The following RAD51B variants were observed in gnomAD, a reference collection of about 807,000 sequenced individuals.
The protein encoded by RAD51B is RAD51 paralog B, also known as DNA repair protein RAD51 homolog 2.
A neutral mutation model predicts 42.2 loss-of-function variants in RAD51B; 38 were observed. The observed-to-expected ratio is 0.90, with a 90% confidence interval of 0.70 to 1.18. RAD51B has a LOEUF of 1.18. Ranked by LOEUF, RAD51B falls within the 50% of genes most tolerant of loss-of-function variation. The pLI, the probability that RAD51B is intolerant of heterozygous loss-of-function variation, is 0.00. For synonymous variants in RAD51B, 154 were observed against 145.2 expected, an observed-to-expected ratio of 1.06 and a Z score of -0.43; for missense variants, 373 against 400.7, an observed-to-expected ratio of 0.93 and a Z score of 0.59.
At chr14:67,858,762 C>T (rs2042075218) in intron 4 of RAD51B, among the ~76,000 whole-genome samples, 1 of 152,166 alleles carries the variant, frequency 6.6e-6, no homozygotes, top group Non-Finnish European at 1.5e-5. Flanking sequence ...TCACCGGATA[C>T]CTGGCCCTAC....
intron 7 of RAD51B, among the ~76,000 whole-genome samples, chr14:68,104,204 G>A (rs544736167): frequency 1.3e-5 from 2 of 152,244 alleles, no homozygotes; most frequent in South Asian, 2.1e-4. Context: ...GGCTTAAGGG[G>A]TAGTTTCTAT....
chr14:68,454,812 C>T (rs186412331), intron 9 of RAD51B, among the ~76,000 whole-genome samples: 32 of 152,248 alleles, frequency 2.1e-4, no homozygotes, highest in Non-Finnish European at 8.8e-5. Flanking sequence ...CCAGGTAGTG[C>T]CAACAAGAGG....
chr14:68,131,512 A>T (rs561595991), intron 7 of RAD51B, among the ~76,000 whole-genome samples: 71 of 152,140 alleles, frequency 4.7e-4, no homozygotes, highest in Non-Finnish European at 9.4e-4. Context: ...CCTGACCAAC[A>T]TGGTGAAACC....
chr14:68,450,678 C>T (rs974566615), intron 9 of RAD51B, among the ~76,000 whole-genome samples: 48 of 151,648 alleles, frequency 3.2e-4, no homozygotes, highest in Admixed American at 1.5e-3. Flanking sequence ...TGCTTTATTC[C>T]TCATGACTCT....
At chr14:68,185,869 G>A (rs142733402) in intron 7 of RAD51B, among the ~76,000 whole-genome samples, 1 of 152,220 alleles carries the variant, frequency 6.6e-6, no homozygotes, top group East Asian at 1.9e-4. Flanking sequence ...TTCCTAACAG[G>A]CCACAGACCA....
intron 9 of RAD51B, among the ~76,000 whole-genome samples, chr14:68,442,906 G>T (rs2085335646): frequency 6.6e-6 from 1 of 152,162 alleles, no homozygotes; most frequent in African/African-American, 2.4e-5. Flanking sequence ...AAAGTGGAAT[G>T]AAACTGGGGC....
At chr14:67,942,460 AC>A (rs2045242258) in intron 7 of RAD51B, among the ~76,000 whole-genome samples, 1 of 152,224 alleles carries the variant, frequency 6.6e-6, no homozygotes, top group South Asian at 2.1e-4. Context: ...AAGGATTGAT[AC>A]CAAGATCATG....
intron 9 of RAD51B, among the ~76,000 whole-genome samples, chr14:68,442,030 A>T (rs1345693485): frequency 1.3e-5 from 2 of 152,192 alleles, no homozygotes; most frequent in Non-Finnish European, 2.9e-5. Flanking sequence ...AGATTCCTGG[A>T]CTTCCCAGAC....
At chr14:68,217,650 T>C (rs182840571) in intron 7 of RAD51B, among the ~76,000 whole-genome samples, 245 of 152,288 alleles carry the variant, frequency 1.6e-3, no homozygotes, top group African/African-American at 5.7e-3. Context: ...AGTGGCATTC[T>C]CAAGATTTTT....
chr14:68,067,808 T>A (rs546380374), intron 7 of RAD51B, among the ~76,000 whole-genome samples: 49 of 151,964 alleles, frequency 3.2e-4, no homozygotes, highest in Middle Eastern at 3.4e-3. Context: ...GGTATGCACC[T>A]ACAGTCCTAG....
At chr14:68,100,520 A>T (rs987523697) in intron 7 of RAD51B, among the ~76,000 whole-genome samples, 1 of 152,116 alleles carries the variant, frequency 6.6e-6, no homozygotes, top group Non-Finnish European at 1.5e-5. Context: ...ATGGACTTTC[A>T]TTACGGCCTG....
intron 10 of RAD51B, among the ~76,000 whole-genome samples, chr14:68,519,430 A>G (rs540228448): frequency 6.6e-6 from 1 of 152,332 alleles, no homozygotes; most frequent in South Asian, 2.1e-4. Flanking sequence ...GAATAGGAGA[A>G]AAGAGTGGGC....
intron 8 of RAD51B, among the ~76,000 whole-genome samples, chr14:68,320,341 G>A (rs2082135048): frequency 6.6e-6 from 1 of 152,178 alleles, no homozygotes; most frequent in Non-Finnish European, 1.5e-5. Flanking sequence ...AGAAAGCCCT[G>A]AAACTTTATT....
intron 3 of RAD51B, among the ~76,000 whole-genome samples, chr14:67,827,211 G>T (rs1252569076): frequency 6.6e-6 from 1 of 152,148 alleles, no homozygotes; most frequent in Non-Finnish European, 1.5e-5. Context: ...TATTTTGAAG[G>T]TTGTAAAGCA....
intron 9 of RAD51B, among the ~76,000 whole-genome samples, chr14:68,457,971 C>G (rs1024122157): frequency 9.7e-5 from 14 of 144,880 alleles, no homozygotes; most frequent in Admixed American, 3.4e-4. Context: ...AAAAAAAAAA[C>G]CAACATGGTT....
intron 9 of RAD51B, among the ~76,000 whole-genome samples, chr14:68,450,072 A>T (rs2085517815): frequency 6.6e-6 from 1 of 152,142 alleles, no homozygotes; most frequent in Non-Finnish European, 1.5e-5. Context: ...TCCCATTGTT[A>T]TGCCTCCTAA....
At chr14:68,465,980 A>C (rs2085976719) in intron 9 of RAD51B, among the ~76,000 whole-genome samples, 1 of 151,116 alleles carries the variant, frequency 6.6e-6, no homozygotes, top group Non-Finnish European at 1.5e-5. Context: ...ATAAATAAAT[A>C]AATAAATAAA....
intron 8 of RAD51B, among the ~76,000 whole-genome samples, chr14:68,337,983 G>C (rs797019115): frequency 3.3e-5 from 5 of 151,746 alleles, no homozygotes; most frequent in African/African-American, 1.2e-4. Flanking sequence ...TAAGAGATGG[G>C]GTCTCACTAT....
At chr14:68,053,748 A>C (rs1012424550) in intron 7 of RAD51B, among the ~76,000 whole-genome samples, 3 of 152,174 alleles carry the variant, frequency 2.0e-5, no homozygotes, top group African/African-American at 7.2e-5. Flanking sequence ...TAAGTACCTG[A>C]ATGTATTATC....
Sources: gnomAD v4.1 joint callset for allele counts (sites outside exome capture counted in the v4.1 genomes callset) on GRCh38, gnomAD v4.1.1 for gene constraint, MANE v1.5 for transcripts, NCBI Gene and HGNC (gene_info 2026-07-23, HGNC 2026-07-21) for gene names.